GRM7: variants seen among roughly 807,000 people sequenced by gnomAD.
GRM7 encodes glutamate metabotropic receptor 7, also known as metabotropic glutamate receptor 7.
Under a neutral mutation model 84.5 loss-of-function variants are expected in GRM7, and 35 were observed. That is an observed-to-expected ratio of 0.41 (90% CI 0.32 to 0.55). The LOEUF (loss-of-function observed/expected upper bound fraction) is 0.55. Ranked by LOEUF, GRM7 falls within the 20% of genes least tolerant of loss-of-function variation. The pLI is 0.19. For synonymous variants in GRM7, 487 were observed against 455.1 expected, an observed-to-expected ratio of 1.07 and a Z score of -0.89; for missense variants, 1,003 against 1,194.6, an observed-to-expected ratio of 0.84 and a Z score of 2.36.
intron 1 of GRM7, among the ~76,000 whole-genome samples, chr3:7,141,833 A>C (rs1408564689): frequency 6.6e-6 from 1 of 151,798 alleles, no homozygotes; most frequent in Admixed American, 6.6e-5. Context: ...TTAAAGAATT[A>C]TTAATTAATA....
chr3:6,990,552 C>G (rs535052922), intron 1 of GRM7, among the ~76,000 whole-genome samples: 1 of 152,030 alleles, frequency 6.6e-6, no homozygotes, highest in Non-Finnish European at 1.5e-5. Flanking sequence ...GTTTCATGGA[C>G]GGGGGCTGAG....
chr3:7,583,123 G>T (rs1300492616), intron 8 of GRM7, among the ~76,000 whole-genome samples: 2 of 152,186 alleles, frequency 1.3e-5, no homozygotes, highest in Non-Finnish European at 1.5e-5. Flanking sequence ...ACAAAGTCAA[G>T]GATTAGAATG....
At chr3:7,356,541 C>T (rs764454897) in intron 4 of GRM7, among the ~76,000 whole-genome samples, 1 of 151,958 alleles carries the variant, frequency 6.6e-6, no homozygotes, top group Non-Finnish European at 1.5e-5. Flanking sequence ...AGCTCAAAAC[C>T]ATCTTCCCAC....
At chr3:7,192,050 C>T (rs1220091499) in intron 2 of GRM7, among the ~76,000 whole-genome samples, 1 of 152,016 alleles carries the variant, frequency 6.6e-6, no homozygotes, top group African/African-American at 2.4e-5. Context: ...TGAGAATGTT[C>T]ATTTCATAGA....
chr3:7,331,414 T>C (rs1701204213), intron 4 of GRM7, among the ~76,000 whole-genome samples: 1 of 152,176 alleles, frequency 6.6e-6, no homozygotes, highest in Admixed American at 6.5e-5. Context: ...GATAAAATAA[T>C]CAAACAATTT....
chr3:6,964,425 T>C (rs1196992651), intron 1 of GRM7, among the ~76,000 whole-genome samples: 4 of 152,174 alleles, frequency 2.6e-5, no homozygotes, highest in Non-Finnish European at 5.9e-5. Flanking sequence ...GATTACGCAT[T>C]GTGTAAGGAC....
At chr3:7,338,493 A>G (rs1701512156) in intron 4 of GRM7, among the ~76,000 whole-genome samples, 1 of 152,070 alleles carries the variant, frequency 6.6e-6, no homozygotes, top group Admixed American at 6.6e-5. Context: ...AAGCTATTGA[A>G]ATAAAAATAA....
chr3:7,193,044 C>T lies in GRM7; in HGVS notation c.736+46376C>T, dbSNP rs376354154. ...TTCATTTCTTTTTACTTTTTTTGTT[C>T]GTTTGTTTTGGTGGGGTAATCTCTT... On this transcript the variant is annotated intron_variant, in intron 2 of 9. Transcript: ENST00000357716. 1.4e-3 allele frequency among the ~76,000 whole-genome samples: 218 copies of T among 152,036 alleles called. 3 individuals are homozygous for T. The highest frequency in any genetic ancestry group is 5.1e-3 in the African/African-American group (210 of 41,508).
intron 8 of GRM7, among the ~76,000 whole-genome samples, chr3:7,648,306 T>G (rs1384551840): frequency 6.7e-6 from 1 of 148,434 alleles, no homozygotes; most frequent in Non-Finnish European, 1.5e-5. Flanking sequence ...GGAAGGAAAA[T>G]AAAAAACATA....
chr3:7,344,926 A>G (rs1398021137), intron 4 of GRM7, among the ~76,000 whole-genome samples: 1 of 152,166 alleles, frequency 6.6e-6, no homozygotes, highest in Non-Finnish European at 1.5e-5. Flanking sequence ...GGATTTTTGA[A>G]TGTTCCCTAT....
chr3:7,113,823 G>A lies in GRM7; in HGVS notation c.520-32629G>A, dbSNP rs116448132. On this transcript the variant is annotated intron_variant, in intron 1 of 9. Transcript: ENST00000357716. ...CTCAACGGTATGGTTTTCTATGGCC[G>A]AAGTGAAAATAGCAATTGTCATTTG... is the stretch of plus-strand genomic sequence containing the variant. Among the ~76,000 whole-genome samples, 823 of 152,168 alleles carry A rather than the reference G, an allele frequency of 5.4e-3. 13 individuals carry two copies. Among genetic ancestry groups the A allele is most frequent in the African/African-American group, 0.019 (778 of 41,532 alleles).
At chr3:7,691,329 G>T (rs1405782239) in intron 9 of GRM7, 1 of 1,133,840 alleles carries the variant, frequency 8.8e-7, no homozygotes, top group African/African-American at 1.6e-5. Flanking sequence ...TCCATTTTCT[G>T]TAAGTGTTGG....
chr3:7,376,052 G>A (rs891547392), intron 4 of GRM7, among the ~76,000 whole-genome samples: 7 of 152,180 alleles, frequency 4.6e-5, no homozygotes, highest in Non-Finnish European at 1.0e-4. Flanking sequence ...GGTATACCAT[G>A]AAATCATGTA....
At position 7,192,027 on chromosome 3, in the gene GRM7, C is replaced by G. The variant is rs140312629; in HGVS notation, c.736+45359C>G. Among the ~76,000 whole-genome samples the G allele has an allele frequency of 5.3e-4, 81 of 152,200 alleles. 2 individuals carry two copies. In the East Asian group the frequency reaches 0.015, roughly 28 times the overall value. On this transcript the variant is annotated intron_variant, in intron 2 of 9. Transcript: ENST00000357716. ...GCCTCTTGTGAACAGTACAGATTCTCAGAACTCTCTACTGAGAATGTTCAT... is the reference window on the plus strand; with the variant it reads ...GCCTCTTGTGAACAGTACAGATTCTGAGAACTCTCTACTGAGAATGTTCAT...
intron 8 of GRM7, among the ~76,000 whole-genome samples, chr3:7,585,455 G>C (rs1388026741): frequency 6.6e-6 from 1 of 151,840 alleles, no homozygotes; most frequent in African/African-American, 2.4e-5. Flanking sequence ...AGCTAGAATA[G>C]CTACTTTAGC....
chr3:7,155,899 T>C (rs1574969918), intron 2 of GRM7, among the ~76,000 whole-genome samples: 1 of 152,202 alleles, frequency 6.6e-6, no homozygotes, highest in East Asian at 1.9e-4. Context: ...TTTCCAATTA[T>C]TCATATTGCT....
At chr3:7,248,873 CTA>C (rs887807835) in intron 2 of GRM7, among the ~76,000 whole-genome samples, 23 of 152,180 alleles carry the variant, frequency 1.5e-4, no homozygotes, top group African/African-American at 4.3e-4. Flanking sequence ...GTAGCTGCTC[CTA>C]TGATTGTTCT....
chr3:7,005,232 C>T (rs1339461628), intron 1 of GRM7, among the ~76,000 whole-genome samples: 2 of 152,210 alleles, frequency 1.3e-5, no homozygotes, highest in African/African-American at 4.8e-5. Flanking sequence ...CAGGGCTAGG[C>T]TACCTTCTGT....
chr3:7,359,480 G>C (rs1477123640), intron 4 of GRM7, among the ~76,000 whole-genome samples: 1 of 146,530 alleles, frequency 6.8e-6, no homozygotes, highest in African/African-American at 2.6e-5. Context: ...GATTACAGGA[G>C]TGTGCCAGAA....
Sources: allele counts gnomAD v4.1 joint callset (sites outside exome capture counted in the v4.1 genomes callset), GRCh38; gene constraint gnomAD v4.1.1; transcripts MANE v1.5; gene names NCBI Gene and HGNC (gene_info 2026-07-23, HGNC 2026-07-21).